PPEF1: variants seen among roughly 807,000 people sequenced by gnomAD.
PPEF1 encodes the protein protein phosphatase with EF-hand domain 1, also known as serine/threonine-protein phosphatase with EF-hands 1.
A neutral mutation model predicts 53.3 loss-of-function variants in PPEF1; 12 were observed. The ratio of observed to expected loss-of-function variants is 0.23; its 90% CI spans 0.14 to 0.36. PPEF1 has a LOEUF of 0.36. Among genes scored for constraint, PPEF1 ranks in the 10% least tolerant of loss-of-function variants. The probability of loss-of-function intolerance (pLI) is 1.00; values close to 1 mark genes in which losing one functional copy is unlikely to be tolerated. For missense variants in PPEF1, 334 were observed against 490.4 expected (o/e 0.68, Z 3.01); for synonymous variants, 165 against 176.7 (o/e 0.93, Z 0.52).
In PPEF1 at chrX:18,730,319, C is replaced by G; in HGVS notation, c.174+11C>G. 15 of 1,199,073 alleles carry G rather than the reference C, an allele frequency of 1.3e-5. No individual in the cohort carries two copies. Among genetic ancestry groups the G allele is most frequent in the Non-Finnish European group, 1.7e-5 (15 of 888,217 alleles). On this transcript the variant is annotated intron_variant, in intron 2 of 15. Transcript: ENST00000470157. ...CAAGGCCAAATGCAGGTCTGTTTTG[C>G]AAGCTTTTCTCTTCTTTTGATAAAA... is the stretch of plus-strand genomic sequence containing the variant.
chrX:18,754,052 TA>T (rs11334908), intron 4 of PPEF1, among the ~76,000 whole-genome samples: 42,999 of 95,964 alleles, frequency 0.45, 8,104 homozygotes, highest in Non-Finnish European at 0.57. Flanking sequence ...AGGAGCGATT[TA>T]AAAAAAAAAA....
chrX:18,714,277 G>GT (rs201680584), intron 1 of PPEF1, among the ~76,000 whole-genome samples: 37,210 of 88,385 alleles, frequency 0.42, 7,894 homozygotes, highest in Non-Finnish European at 0.58. Context: ...TCGTTTTTTT[G>GT]TTTTTTTTTT....
chrX:18,756,070 A>G (rs975480831), intron 4 of PPEF1, among the ~76,000 whole-genome samples: 3 of 111,266 alleles, frequency 2.7e-5, no homozygotes, highest in Non-Finnish European at 5.6e-5. Context: ...AGGGGTAGGG[A>G]TTAGGGGAAT....
chrX:18,764,202 G>A (rs1270953346), intron 6 of PPEF1, among the ~76,000 whole-genome samples: 4 of 111,515 alleles, frequency 3.6e-5, no homozygotes, highest in Non-Finnish European at 1.9e-5. Flanking sequence ...CCAAGCCATC[G>A]AAAGAGAGTA....
intron 4 of PPEF1, among the ~76,000 whole-genome samples, chrX:18,751,907 G>A (rs1863393954): frequency 8.9e-6 from 1 of 112,636 alleles, no homozygotes; most frequent in Admixed American, 9.4e-5. Context: ...TAGCTTTGTA[G>A]TAAGTTTTGA....
In PPEF1 at chrX:18,744,138, G is replaced by T. The variant is rs34598389; in HGVS notation, c.236-5654G>T. Among the ~76,000 whole-genome samples the T allele has an allele frequency of 1.9e-3, 208 of 109,362 alleles. 1 individual carries two copies. The highest frequency in any genetic ancestry group is 6.4e-3 in the African/African-American group (193 of 30,030). 95.0% of individuals were successfully genotyped at this position (109,362 alleles called of 115,157 possible). A position where few individuals can be genotyped will look rare whatever the true frequency, so the allele number is the denominator to read the frequency against. Reference sequence around the variant, plus strand: ...ACTCCCGACCTCAGGTGATCCACCCGCCTCGGCCTCCCAAAGTGCTGGGAT... The same window carrying T: ...ACTCCCGACCTCAGGTGATCCACCCTCCTCGGCCTCCCAAAGTGCTGGGAT... On this transcript the variant is annotated intron_variant, in intron 3 of 15. Transcript: ENST00000470157.
chrX:18,798,342 A>G (rs112916826), intron 10 of PPEF1, among the ~76,000 whole-genome samples: 1,623 of 111,943 alleles, frequency 0.014, 35 homozygotes, highest in African/African-American at 0.05. Flanking sequence ...CAAAATTGCA[A>G]TTTTAAATAA....
At chrX:18,756,873 A>C (rs2045559834) in intron 4 of PPEF1, among the ~76,000 whole-genome samples, 1 of 112,434 alleles carries the variant, frequency 8.9e-6, no homozygotes, top group African/African-American at 3.2e-5. Context: ...GAAAAACTAC[A>C]ATGATAAGCT....
chrX:18,736,707 C>T (rs760162464), intron 3 of PPEF1, among the ~76,000 whole-genome samples: 1 of 112,382 alleles, frequency 8.9e-6, no homozygotes, highest in East Asian at 2.8e-4. Context: ...AGGAATGGTA[C>T]CAGCTCCTCT....
intron 13 of PPEF1, among the ~76,000 whole-genome samples, chrX:18,821,088 T>C (rs766557689): frequency 1.6e-4 from 17 of 107,873 alleles, no homozygotes; most frequent in Non-Finnish European, 2.9e-4. Context: ...CCAGGCGTGG[T>C]GGCGGGCGCC....
Position 18,740,576 on chromosome X carries a change from A to AT in PPEF1, c.235+6774dup, listed in dbSNP as rs747371917. Among the ~76,000 whole-genome samples the AT allele has an allele frequency of 5.7e-4, 62 of 109,474 alleles. 1 individual carries two copies. Among genetic ancestry groups the AT allele is most frequent in the East Asian group, 5.8e-4 (2 of 3,468 alleles). On this transcript the variant is annotated intron_variant, in intron 3 of 15. Transcript: ENST00000470157. The stretch of plus-strand genomic sequence containing the variant: ...AGGTGCTTGCTACCACACCCAGCTA[A>AT]TTTTTTGTATTTTTAGTAGAGACAG...
intron 1 of PPEF1, among the ~76,000 whole-genome samples, chrX:18,729,782 G>T (rs1468641961): frequency 8.9e-6 from 1 of 112,421 alleles, no homozygotes; most frequent in Non-Finnish European, 1.9e-5. Context: ...ACTTCATAGG[G>T]TATACATAGA....
intron 9 of PPEF1, among the ~76,000 whole-genome samples, chrX:18,788,664 T>C (rs2046268225): frequency 9.0e-6 from 1 of 111,705 alleles, no homozygotes; most frequent in Non-Finnish European, 1.9e-5. Context: ...AAGAACTTTC[T>C]TGGACACAGA....
At chrX:18,762,735 C>A (rs1232683863) in intron 6 of PPEF1, among the ~76,000 whole-genome samples, 10 of 111,587 alleles carry the variant, frequency 9.0e-5, no homozygotes, top group Non-Finnish European at 1.9e-4. Context: ...GGGAGTATAG[C>A]CGTGAGAATG....
At position 18,684,415 on chromosome X, in the gene PPEF1, C is replaced by T. The variant is rs147720021; in HGVS notation, c.-637-237C>T. 4.4e-3 allele frequency among the ~76,000 whole-genome samples: 489 copies of T among 110,799 alleles called. 2 individuals are homozygous for T. Among genetic ancestry groups the T allele is most frequent in the Non-Finnish European group, 7.8e-3 (412 of 52,951 alleles). On this transcript the variant is annotated intron_variant, in intron 1 of 21. Coordinates refer to the PPEF1 transcript ENST00000361511. Reference sequence around the variant, plus strand: ...GGATAGGCAGGGTGATAAGCAAAAACCTGTCTAATAGGAAAGAAGGCCTCA... The same window carrying T: ...GGATAGGCAGGGTGATAAGCAAAAATCTGTCTAATAGGAAAGAAGGCCTCA...
chrX:18,801,073 A>AT (rs1315925087), intron 10 of PPEF1, among the ~76,000 whole-genome samples: 1 of 111,985 alleles, frequency 8.9e-6, no homozygotes, highest in Non-Finnish European at 1.9e-5. Context: ...TGCAAGTGTT[A>AT]TTTTTGTCAT....
chrX:18,777,181 C>T (rs985509268), intron 6 of PPEF1, among the ~76,000 whole-genome samples: 3 of 112,234 alleles, frequency 2.7e-5, no homozygotes, highest in African/African-American at 9.7e-5. Flanking sequence ...CCAGAGAATT[C>T]ACCTTCTTAT....
Position 18,800,415 on chromosome X carries a change from G to A in PPEF1, c.1066-3477G>A, listed in dbSNP as rs181374056. On this transcript the variant is annotated intron_variant, in intron 10 of 15. Coordinates refer to ENST00000470157, the MANE Select transcript of PPEF1 (RefSeq NM_001377996.1). ...TACATTCATGTACAGTCAACCCTCC[G>A]TATGCACGGGTTCTGCATTGTGGAC... Among the ~76,000 whole-genome samples the A allele has an allele frequency of 4.5e-3, 494 of 110,570 alleles. 4 individuals are homozygous for A. Among genetic ancestry groups the A allele is most frequent in the African/African-American group, 0.016 (482 of 30,522 alleles).
At chrX:18,813,784 C>T (rs2147728392) in intron 12 of PPEF1, among the ~76,000 whole-genome samples, 1 of 111,767 alleles carries the variant, frequency 8.9e-6, no homozygotes, top group African/African-American at 3.2e-5. Flanking sequence ...TGAATTTCAT[C>T]AGATAAATTT....
Sources: allele counts gnomAD v4.1 joint callset (sites outside exome capture counted in the v4.1 genomes callset), GRCh38; gene constraint gnomAD v4.1.1; transcripts MANE v1.5; gene names NCBI Gene and HGNC (gene_info 2026-07-23, HGNC 2026-07-21).